Variants in TUSC3 observed in about 807,000 individuals in gnomAD.
TUSC3 encodes tumor suppressor candidate 3.
In TUSC3, 45 loss-of-function variants were observed where a neutral mutation model predicts 44.8. The observed-to-expected ratio is 1.00, with a 90% CI of 0.79 to 1.29. The LOEUF is 1.29. TUSC3 is among the 50% of genes most tolerant of loss of function. The pLI is 0.00. For missense variants in TUSC3, 519 were observed against 437.9 expected (o/e 1.19, Z -1.65); for synonymous variants, 212 against 152.9 (o/e 1.39, Z -2.85).
chr8:15,747,708 C>G (rs1585298209), intron 8 of TUSC3, among the ~76,000 whole-genome samples: 1 of 152,014 alleles, frequency 6.6e-6, no homozygotes, highest in African/African-American at 2.4e-5. Context: ...TATTGAAAAC[C>G]TAGACCGCAG....
At chr8:15,484,920 T>C (rs556739674) in intron 2 of TUSC3, among the ~76,000 whole-genome samples, 1 of 152,240 alleles carries the variant, frequency 6.6e-6, no homozygotes, top group African/African-American at 2.4e-5. Context: ...GAAAACTATT[T>C]CTTTGTAAAA....
At chr8:15,495,430 C>G (rs972605250) in intron 2 of TUSC3, among the ~76,000 whole-genome samples, 1 of 152,176 alleles carries the variant, frequency 6.6e-6, no homozygotes, top group African/African-American at 2.4e-5. Flanking sequence ...GGTGAGTTCA[C>G]ATACCCAGTG....
intron 2 of TUSC3, among the ~76,000 whole-genome samples, chr8:15,495,055 C>G (rs1223283183): frequency 6.6e-6 from 1 of 152,200 alleles, no homozygotes; most frequent in Non-Finnish European, 1.5e-5. Flanking sequence ...GCCTCCAGCT[C>G]CATCTTTGCT....
In TUSC3 at chr8:15,761,953, AC is replaced by A. The variant is rs202229133; in HGVS notation, c.*47-2249del. On this transcript the variant is annotated intron_variant, in intron 10 of 10. Transcript: ENST00000503731. Reference sequence around the variant, plus strand: ...GATAAATGTGAAAAGGGAAAAAAATACGTGTCAGATCTTGTTTAGAAATGAG... The same window carrying A: ...GATAAATGTGAAAAGGGAAAAAAATAGTGTCAGATCTTGTTTAGAAATGAG... Among the ~76,000 whole-genome samples, 1,310 of 152,214 alleles carry A rather than the reference AC, an allele frequency of 8.6e-3. 16 individuals carry two copies. Among genetic ancestry groups the A allele is most frequent in the African/African-American group, 0.031 (1,272 of 41,534 alleles).
At chr8:15,421,056 C>A (rs80316702) in intron 1 of TUSC3, among the ~76,000 whole-genome samples, 3,258 of 152,286 alleles carry the variant, frequency 0.021, 115 homozygotes, top group African/African-American at 0.075. Flanking sequence ...TGCCTACTCA[C>A]TACCTCTGCT....
chr8:15,429,664 G>C (rs897016398), intron 1 of TUSC3, among the ~76,000 whole-genome samples: 1 of 151,416 alleles, frequency 6.6e-6, no homozygotes, highest in African/African-American at 2.4e-5. Context: ...GCAGTGGTTT[G>C]TAGTTCTCCT....
At chr8:15,749,931 G>A (rs1811620684) in intron 9 of TUSC3, among the ~76,000 whole-genome samples, 1 of 147,520 alleles carries the variant, frequency 6.8e-6, no homozygotes. Flanking sequence ...CAAAGGAAAT[G>A]TTGTATCTCT....
chr8:15,537,217 A>G (rs945466609), upstream of TUSC3, among the ~76,000 whole-genome samples: 1 of 151,562 alleles, frequency 6.6e-6, no homozygotes, highest in African/African-American at 2.4e-5. Context: ...ACCTTAACCT[A>G]AACATTCCTT....
At chr8:15,686,358 G>C (rs1808627708) in intron 6 of TUSC3, among the ~76,000 whole-genome samples, 1 of 151,978 alleles carries the variant, frequency 6.6e-6, no homozygotes, top group African/African-American at 2.4e-5. Flanking sequence ...GGGTTTGCCA[G>C]ATATAGTCCA....
intron 2 of TUSC3, among the ~76,000 whole-genome samples, chr8:15,639,139 A>G (rs1012939784): frequency 6.7e-6 from 1 of 150,272 alleles, no homozygotes; most frequent in Admixed American, 6.7e-5. Context: ...CGTGATGTTC[A>G]GGGCTTCAGT....
chr8:15,751,273 T>G (rs1811690402), intron 9 of TUSC3, among the ~76,000 whole-genome samples: 1 of 152,144 alleles, frequency 6.6e-6, no homozygotes, highest in Non-Finnish European at 1.5e-5. Context: ...AATTGCCACA[T>G]AGCTAGGTGT....
chr8:15,469,699 T>C (rs780325694), intron 1 of TUSC3, among the ~76,000 whole-genome samples: 25 of 152,218 alleles, frequency 1.6e-4, no homozygotes, highest in Admixed American at 5.9e-4. Context: ...TGCACACAGA[T>C]GTTTATAGCA....
chr8:15,429,715 G>T (rs1422984772), intron 1 of TUSC3, among the ~76,000 whole-genome samples: 1 of 151,448 alleles, frequency 6.6e-6, no homozygotes, highest in Non-Finnish European at 1.5e-5. Context: ...GGATTCTTAG[G>T]TATTTTATTC....
the TUSC3 span, among the ~76,000 whole-genome samples, chr8:15,798,649 T>TGAGG: frequency 1.2e-4 from 18 of 147,266 alleles, no homozygotes; most frequent in African/African-American, 4.8e-4. Flanking sequence ...CCTGGGTGTG[T>TGAGG]GGGGGGGGTC....
In TUSC3 at chr8:15,702,645, G is replaced by T. The variant is rs993219072; in HGVS notation, c.799-28021G>T. On this transcript the variant is annotated intron_variant, in intron 6 of 10. Transcript: ENST00000503731. ...TCTCTGCTTTGCTCTCCAGTTTGTC[G>T]GTGTCACCATTAATACCTGCAGCGT... Among the ~76,000 whole-genome samples the T allele has an allele frequency of 3.3e-5, 5 of 151,862 alleles. No individual in the cohort carries two copies. The South Asian group carries it at 1.0e-3, about 32-fold the overall frequency.
At chr8:15,740,124 G>T (rs1320303942) in intron 7 of TUSC3, among the ~76,000 whole-genome samples, 2 of 152,112 alleles carry the variant, frequency 1.3e-5, no homozygotes, top group East Asian at 1.9e-4. Context: ...GTGAGAGGAG[G>T]CTTCTCTGAC....
At chr8:15,608,032 T>C (rs925085969) in intron 1 of TUSC3, among the ~76,000 whole-genome samples, 1 of 152,218 alleles carries the variant, frequency 6.6e-6, no homozygotes, top group Non-Finnish European at 1.5e-5. Flanking sequence ...ACCAGAATGG[T>C]GAGAATGTCT....
At chr8:15,838,049 T>C in the TUSC3 span, among the ~76,000 whole-genome samples, 139 of 148,730 alleles carry the variant, frequency 9.3e-4, no homozygotes, top group African/African-American at 2.7e-3. Flanking sequence ...AGATAGCCAA[T>C]TCTATAGTTG....
chr8:15,850,093 T>C, the TUSC3 span, among the ~76,000 whole-genome samples: 1 of 146,430 alleles, frequency 6.8e-6, no homozygotes, highest in African/African-American at 2.6e-5. Context: ...TTTATCAAAC[T>C]CTTAGATCTT....
Sources: gnomAD v4.1 joint callset for allele counts (sites outside exome capture counted in the v4.1 genomes callset) on GRCh38, gnomAD v4.1.1 for gene constraint, MANE v1.5 for transcripts, NCBI Gene and HGNC (gene_info 2026-07-23, HGNC 2026-07-21) for gene names.